The following TNS3 variants were observed in gnomAD, a reference collection of about 807,000 sequenced individuals.
TNS3 encodes tensin 3.
In TNS3, 45 loss-of-function variants were observed where a neutral mutation model predicts 140.9. The observed-to-expected ratio is 0.32, with a 90% confidence interval of 0.25 to 0.41. TNS3 has a LOEUF of 0.41. Among genes scored for constraint, TNS3 ranks in the 10% least tolerant of loss-of-function variants. The pLI is 1.00. For synonymous variants in TNS3, 815 were observed against 788.4 expected, an observed-to-expected ratio of 1.03 and a Z score of -0.56; for missense variants, 1,716 against 1,906.7, an observed-to-expected ratio of 0.90 and a Z score of 1.86.
intron 8 of TNS3, among the ~76,000 whole-genome samples, chr7:47,433,099 T>C (rs1226486524): frequency 6.6e-6 from 1 of 152,156 alleles, no homozygotes; most frequent in Non-Finnish European, 1.5e-5. Context: ...AGCCTCTGCA[T>C]CACACGGCAG....
At chr7:47,414,780 T>C (rs1793983369) in intron 11 of TNS3, among the ~76,000 whole-genome samples, 3 of 152,314 alleles carry the variant, frequency 2.0e-5, no homozygotes, top group Admixed American at 2.0e-4. Flanking sequence ...CAAGGCCAAC[T>C]GCACAGCTGA....
intron 3 of TNS3, among the ~76,000 whole-genome samples, chr7:47,484,271 G>A (rs1319615035): frequency 6.6e-6 from 1 of 152,206 alleles, no homozygotes; most frequent in Non-Finnish European, 1.5e-5. Context: ...TAGAAGCAAA[G>A]AGTCACCTGT....
At chr7:47,376,137 T>C (rs1562656100) in intron 16 of TNS3, among the ~76,000 whole-genome samples, 2 of 152,174 alleles carry the variant, frequency 1.3e-5, no homozygotes, top group African/African-American at 2.4e-5. Flanking sequence ...AACGGGGACT[T>C]AAAAGCAATA....
At chr7:47,337,165 C>A (rs1228042218) in intron 20 of TNS3, among the ~76,000 whole-genome samples, 1 of 152,212 alleles carries the variant, frequency 6.6e-6, no homozygotes, top group Non-Finnish European at 1.5e-5. Flanking sequence ...ACTTTCCATC[C>A]ACCAGATCCT....
intron 4 of TNS3, among the ~76,000 whole-genome samples, chr7:47,479,475 C>T (rs888055888): frequency 6.6e-6 from 1 of 151,386 alleles, no homozygotes; most frequent in African/African-American, 2.4e-5. Context: ...CCCCCCACGC[C>T]CCCTACTCCC....
At chr7:47,569,229 G>A (rs1800496335) in intron 1 of TNS3, among the ~76,000 whole-genome samples, 1 of 152,164 alleles carries the variant, frequency 6.6e-6, no homozygotes, top group Admixed American at 6.5e-5. Context: ...ATCTTTATAA[G>A]AACAAAACCT....
At position 47,435,418 on chromosome 7, in the gene TNS3, G is replaced by C. The variant is rs201601900; in HGVS notation, c.202-14C>G. The stretch of plus-strand genomic sequence containing the variant: ...CACATCCATGATCTGCAACAAGAAA[G>C]GGGAGCTTCCTCGGTTTCCATTTCC... On this transcript the variant is annotated splice_polypyrimidine_tract_variant and intron_variant, in intron 7 of 30. Coordinates refer to ENST00000311160, the MANE Select transcript of TNS3 (RefSeq NM_022748.12). The C allele has an allele frequency of 6.2e-7, 1 of 1,612,656 alleles. No homozygotes were observed. Among genetic ancestry groups the C allele is most frequent in the African/African-American group, 1.3e-5 (1 of 75,040 alleles).
intron 8 of TNS3, among the ~76,000 whole-genome samples, chr7:47,428,721 T>TCCA (rs1428310596): frequency 6.6e-6 from 1 of 152,194 alleles, no homozygotes; most frequent in Non-Finnish European, 1.5e-5. Flanking sequence ...GACTTAATTA[T>TCCA]CCAGGTCAGA....
chr7:47,377,063 C>T (rs1791436384), intron 16 of TNS3, among the ~76,000 whole-genome samples: 1 of 152,180 alleles, frequency 6.6e-6, no homozygotes, highest in African/African-American at 2.4e-5. Context: ...CCACAGGGAA[C>T]AGGTAGCTTC....
At chr7:47,510,849 A>AAG (rs1798580651) in intron 2 of TNS3, among the ~76,000 whole-genome samples, 1 of 143,132 alleles carries the variant, frequency 7.0e-6, no homozygotes, top group Admixed American at 7.2e-5. Context: ...GTGACAGAGT[A>AAG]AGACTGTCTT....
At chr7:47,352,841 G>A (rs1046046936) in intron 17 of TNS3, among the ~76,000 whole-genome samples, 8 of 152,178 alleles carry the variant, frequency 5.3e-5, no homozygotes, top group Admixed American at 4.6e-4. Flanking sequence ...GGTGACTTGC[G>A]CTGGGTCTCG....
At chr7:47,549,218 C>T (rs980028831) in intron 1 of TNS3, among the ~76,000 whole-genome samples, 1 of 152,132 alleles carries the variant, frequency 6.6e-6, no homozygotes, top group Non-Finnish European at 1.5e-5. Flanking sequence ...TTTGGCCAGG[C>T]GCGGTGGTTC....
intron 17 of TNS3, among the ~76,000 whole-genome samples, chr7:47,355,664 C>T (rs1451793611): frequency 1.3e-5 from 2 of 152,200 alleles, no homozygotes; most frequent in African/African-American, 4.8e-5. Context: ...CAAAGCTCTT[C>T]GGCAACTTTC....
chr7:47,314,700 C>A (rs559247563), intron 20 of TNS3, among the ~76,000 whole-genome samples: 3 of 152,136 alleles, frequency 2.0e-5, no homozygotes, highest in African/African-American at 7.2e-5. Context: ...TGTTGTGGGG[C>A]GATCAGGTGC....
intron 2 of TNS3, among the ~76,000 whole-genome samples, chr7:47,509,101 C>A (rs1032593246): frequency 6.6e-6 from 1 of 152,184 alleles, no homozygotes; most frequent in Non-Finnish European, 1.5e-5. Context: ...TCATGCAACA[C>A]GCCAACTCAA....
intron 2 of TNS3, among the ~76,000 whole-genome samples, chr7:47,526,689 C>A (rs1799204126): frequency 6.6e-6 from 1 of 152,182 alleles, no homozygotes; most frequent in South Asian, 2.1e-4. Context: ...GGGACGTCAT[C>A]ACAGGGTAAG....
At chr7:47,380,644 C>T (rs987623059) in intron 16 of TNS3, among the ~76,000 whole-genome samples, 1 of 152,154 alleles carries the variant, frequency 6.6e-6, no homozygotes, top group African/African-American at 2.4e-5. Flanking sequence ...GAAGTCTTGG[C>T]AAGTTGGTAA....
chr7:47,434,692 AG>A (rs1795089290), intron 8 of TNS3, among the ~76,000 whole-genome samples: 1 of 152,248 alleles, frequency 6.6e-6, no homozygotes, highest in African/African-American at 2.4e-5. Flanking sequence ...CGATGCAGCC[AG>A]GAGGAGGAGT....
chr7:47,386,477 G>C (rs1285067447), intron 16 of TNS3, among the ~76,000 whole-genome samples: 1 of 152,252 alleles, frequency 6.6e-6, no homozygotes, highest in Non-Finnish European at 1.5e-5. Flanking sequence ...GACAGGCCTT[G>C]ACCTTGGCTC....
Sources: gnomAD v4.1 joint callset for allele counts (sites outside exome capture counted in the v4.1 genomes callset) on GRCh38, gnomAD v4.1.1 for gene constraint, MANE v1.5 for transcripts, NCBI Gene and HGNC (gene_info 2026-07-23, HGNC 2026-07-21) for gene names.